WIZ: variants seen among roughly 807,000 people sequenced by gnomAD.
The protein encoded by WIZ is WIZ zinc finger, also known as protein Wiz.
WIZ carries 25 observed loss-of-function variants against 140.2 expected under a neutral mutation model. The ratio of observed to expected loss-of-function variants is 0.18; its 90% CI spans 0.13 to 0.25. The LOEUF is 0.25. Ranked by LOEUF, WIZ falls within the 10% of genes least tolerant of loss-of-function variation. WIZ has a pLI of 1.00. For missense variants in WIZ, 2,231 were observed against 2,632.6 expected (o/e 0.85, Z 3.34); for synonymous variants, 1,125 against 1,154.3 (o/e 0.97, Z 0.51).
Position 15,424,357 on chromosome 19 carries a change from C to T in WIZ, c.5336G>A (p.Arg1779His), listed in dbSNP as rs761882261. Residue 1779 changes from arginine (R) to histidine (H), a missense_variant, in exon 12 of 13, where the codon CGC (arginine) becomes CAC (histidine). Arg to His is a conservative substitution (Grantham distance 29). This residue lies in a region of WIZ where 299 missense variants were observed against 309.6 expected (regional missense o/e 0.97). Transcript: ENST00000673675. This position sits in a 1 kb window ranked among gnomAD's most constrained non-coding sequence, Gnocchi z 9.7. ...NINKFERRQA[R>H]PPDASAARGG... is the part of the protein sequence containing the mutation. ...CCGGGCTGCGGAGGCATCTGGAGGG[C>T]GGGCTTGTCGGCGTTCAAATTCTAA... 3.6e-5 allele frequency: 57 copies of T among 1,599,968 alleles called. No individual in the cohort carries two copies. The highest frequency in any genetic ancestry group is 4.3e-5 in the Non-Finnish European group (51 of 1,176,056).
In WIZ at chr19:15,442,583, C is replaced by G. The variant is rs945762950; in HGVS notation, c.278+93G>C. On this transcript the variant is annotated intron_variant, in intron 3 of 12. Transcript: ENST00000673675. The surrounding 1 kb of genome is among the most constrained non-coding windows in gnomAD (Gnocchi z 5.5). ...GCCTGGCCTCCTGATTCCCTCCTGT[C>G]CCCTTCTCATTCCCCAGGGGCTTAT... The G allele has an allele frequency of 7.2e-5, 71 of 991,272 alleles. No homozygotes were observed. The highest frequency in any genetic ancestry group is 9.1e-5 in the Non-Finnish European group (70 of 768,040). The allele number at this position is 991,272 out of a possible 1,614,324, so 61.4% of individuals were successfully genotyped here. A position where few individuals can be genotyped will look rare whatever the true frequency, so the allele number is the denominator to read the frequency against.
In WIZ at chr19:15,425,634, A is replaced by C; in HGVS notation, c.4501T>G (p.Ser1501Ala). The change falls in exon 10 of 13, where the codon TCG becomes GCG. Residue 1501 changes from serine (S) to alanine (A), a missense_variant. Ser to Ala is a moderately conservative substitution (Grantham distance 99, BLOSUM62 1). Coordinates refer to ENST00000673675, the MANE Select transcript of WIZ (RefSeq NM_001371589.1). ...MGVTEWSVNG[S>A]PIDTLREILK... ...ATCTCTCGCAGTGTGTCGATGGGCG[A>C]ACCATTGACGGACCACTCGGTCACA... is the stretch of plus-strand genomic sequence containing the variant. The C allele has an allele frequency of 6.2e-7, 1 of 1,613,268 alleles. No individual in the cohort carries two copies. Among genetic ancestry groups the C allele is most frequent in the Non-Finnish European group, 8.5e-7 (1 of 1,179,826 alleles).
chr19:15,449,677 A>C (rs1970052969), intron 1 of WIZ, 121 bp downstream of exon 1: 1 of 107,058 alleles, frequency 9.3e-6, no homozygotes, highest in African/African-American at 3.5e-5. Context: ...CCCGCCCCTG[A>C]AGGCCCCGCC....
At chr19:15,432,073 T>G (rs1969281838) in intron 5 of WIZ, among the ~76,000 whole-genome samples, 1 of 151,894 alleles carries the variant, frequency 6.6e-6, no homozygotes, top group African/African-American at 2.4e-5. Flanking sequence ...CGCTGAGGAC[T>G]GGGGCACCGA....
At position 15,424,290 on chromosome 19, in the gene WIZ, C is replaced by T; in HGVS notation, c.5403G>A (p.Glu1801=). 2 of 1,594,588 alleles carry T rather than the reference C, an allele frequency of 1.3e-6. No homozygotes were observed. Among genetic ancestry groups the T allele is most frequent in the Non-Finnish European group, 8.5e-7 (1 of 1,173,150 alleles). ...GGACTCGGGGTGGGGGTTGCCGCAC[C>T]TCCTCCAGCTTCTGCTGTAGGTCAT... The part of the protein sequence containing the change: ...DTNDLQQKLE[E]VRQPPPRVRP... Residue 1801 remains glutamate (E), a synonymous_variant, in exon 12 of 13, where the codon GAG becomes GAA. Transcript: ENST00000673675. The surrounding 1 kb of genome is among the most constrained non-coding windows in gnomAD (Gnocchi z 9.7).
chr19:15,435,898 G>A (rs932669728), intron 5 of WIZ, among the ~76,000 whole-genome samples: 25 of 151,232 alleles, frequency 1.7e-4, no homozygotes, highest in African/African-American at 5.8e-4. Flanking sequence ...TGAGGCAGGC[G>A]GATCACTGGA....
chr19:15,431,701 G>C (rs1969251034), intron 5 of WIZ, among the ~76,000 whole-genome samples: 1 of 152,252 alleles, frequency 6.6e-6, no homozygotes, highest in African/African-American at 2.4e-5. Context: ...TGGGGGACCA[G>C]GGGTGGCCTA....
At chr19:15,423,651 T>C (rs1018565567) in intron 12 of WIZ, among the ~76,000 whole-genome samples, 1 of 152,190 alleles carries the variant, frequency 6.6e-6, no homozygotes, top group African/African-American at 2.4e-5. Flanking sequence ...CCAAGCTCCA[T>C]GGCTCAAGAC....
In WIZ at chr19:15,427,135, G is replaced by A. The variant is rs1751999756; in HGVS notation, c.4213C>T (p.Leu1405=). The A allele has an allele frequency of 1.9e-6, 3 of 1,614,246 alleles. No homozygotes were observed. The highest frequency in any genetic ancestry group is 2.5e-6 in the Non-Finnish European group (3 of 1,180,046). The change falls in exon 9 of 13, where the codon CTG becomes TTG. Residue 1405 remains leucine (L), a synonymous_variant. Transcript: ENST00000673675. The surrounding 1 kb of genome is among the most constrained non-coding windows in gnomAD (Gnocchi z 6.4). ...TTCTTGGGCAAGGAGGGTGCAGCCA[G>A]GCCTGGGAACATCTTTCGGGCCGTA... ...PPTARKMFPG[L]AAPSLPKKLK...
rs776786918 is a variant in WIZ at position 15,437,068 on chromosome 19, G to C, written c.2478C>G (p.Phe826Leu). 1.2e-6 allele frequency: 2 copies of C among 1,613,098 alleles called. No homozygotes were observed. The highest frequency in any genetic ancestry group is 1.7e-6 in the Non-Finnish European group (2 of 1,179,638). The change falls in exon 5 of 13, where the codon TTC becomes TTG. Residue 826 changes from phenylalanine (F) to leucine (L), a missense_variant. This residue lies in a region of WIZ where 118 missense variants were observed against 209.1 expected (regional missense o/e 0.56). Coordinates refer to ENST00000673675, the MANE Select transcript of WIZ (RefSeq NM_001371589.1). The part of the protein sequence containing the change: ...LMRCDFCGAG[F>L]DTRAGLSSHA... ...GGCTGGAGAGGCCGGCCCGTGTGTCGAAGCCAGCCCCGCAGAAGTCACAGC... is the reference window on the plus strand; with the variant it reads ...GGCTGGAGAGGCCGGCCCGTGTGTCCAAGCCAGCCCCGCAGAAGTCACAGC...
chr19:15,424,743 C>T lies in WIZ; in HGVS notation c.5184G>A (p.Val1728=). ...SLGLAPGGLA[V]VGRSAGGEPG... ...GCTCCCCTCCGGCACTGCGGCCGAC[C>T]ACGGCCAGGCCCCCGGGTGCCAGCC... is the stretch of plus-strand genomic sequence containing the variant. The change falls in exon 11 of 13, where the codon GTG becomes GTA. Residue 1728 remains valine (V), a synonymous_variant. Transcript: ENST00000673675. This position sits in a 1 kb window ranked among gnomAD's most constrained non-coding sequence, Gnocchi z 9.7. 6.4e-7 allele frequency: 1 copy of T among 1,570,386 alleles called. No individual in the cohort carries two copies. The highest frequency in any genetic ancestry group is 1.2e-5 in the South Asian group (1 of 86,598).
At position 15,442,652 on chromosome 19, in the gene WIZ, G is replaced by A; in HGVS notation, c.278+24C>T. Reference sequence around the variant, plus strand: ...CTGCTTGCCCCCCTGCCCTCCCTGAGGTCAGGGCCAGCATGGCACTCACCA... The same window carrying A: ...CTGCTTGCCCCCCTGCCCTCCCTGAAGTCAGGGCCAGCATGGCACTCACCA... On this transcript the variant is annotated intron_variant, in intron 3 of 12. Transcript: ENST00000673675. This position sits in a 1 kb window ranked among gnomAD's most constrained non-coding sequence, Gnocchi z 5.5. 1 of 1,231,508 alleles carries A rather than the reference G, an allele frequency of 8.1e-7. No individual in the cohort carries two copies. The highest frequency in any genetic ancestry group is 1.0e-6 in the Non-Finnish European group (1 of 987,352). 76.3% of individuals were successfully genotyped at this position (1,231,508 alleles called of 1,614,324 possible). A position where few individuals can be genotyped will look rare whatever the true frequency, so the allele number is the denominator to read the frequency against.
At position 15,425,353 on chromosome 19, in the gene WIZ, C is replaced by T; in HGVS notation, c.4782G>A (p.Lys1594=). ...ATGYLGSVAA[K]RPLQEDRLLP... ...GGAGGCGGTCCTCCTGCAGGGGCCG[C>T]TTGGCTGCCACTGAGCCCAGGTAGC... The change falls in exon 10 of 13, where the codon AAG becomes AAA. Residue 1594 remains lysine (K), a synonymous_variant. Coordinates refer to ENST00000673675, the MANE Select transcript of WIZ (RefSeq NM_001371589.1). 1 of 1,558,630 alleles carries T rather than the reference C, an allele frequency of 6.4e-7. No homozygotes were observed. Among genetic ancestry groups the T allele is most frequent in the South Asian group, 1.2e-5 (1 of 85,204 alleles).
At position 15,421,347 on chromosome 19, in the gene WIZ, T is replaced by G. The variant is rs1417772033; in HGVS notation, c.*1729A>C. 1 of 152,190 alleles carries G rather than the reference T, an allele frequency of 6.6e-6. No homozygotes were observed. Among genetic ancestry groups the G allele is most frequent in the African/African-American group, 2.4e-5 (1 of 41,428 alleles). The allele number at this position is 152,190 out of a possible 1,614,324, so 9.4% of individuals were successfully genotyped here. A position where few individuals can be genotyped will look rare whatever the true frequency, so the allele number is the denominator to read the frequency against. On this transcript the variant is annotated 3_prime_UTR_variant, in exon 13 of 13. Coordinates refer to ENST00000673675, the MANE Select transcript of WIZ (RefSeq NM_001371589.1). ...CCAAGACCACCCTTGTGGGCGTTAT[T>G]GCAGCCTGTTAATCCCTCCTTCCCA...
intron 4 of WIZ, among the ~76,000 whole-genome samples, chr19:15,438,001 ACACACACACACG>A (rs1969579346): frequency 6.6e-6 from 1 of 152,002 alleles, no homozygotes; most frequent in Non-Finnish European, 1.5e-5. Context: ...GTAGACACAC[ACACACACACACG>A]CACACACACA....
At chr19:15,444,947 TTGTC>T (rs992310887) in intron 2 of WIZ, among the ~76,000 whole-genome samples, 4 of 152,190 alleles carry the variant, frequency 2.6e-5, no homozygotes, top group African/African-American at 9.7e-5. Context: ...CGTGGCCTCT[TTGTC>T]TGAGCAATTC....
chr19:15,421,992 T>C lies in WIZ; in HGVS notation c.*1084A>G, dbSNP rs1489309761. 1.3e-5 allele frequency: 2 copies of C among 152,238 alleles called. No individual in the cohort carries two copies. The highest frequency in any genetic ancestry group is 2.9e-5 in the Non-Finnish European group (2 of 68,036). 9.4% of individuals were successfully genotyped at this position (152,238 alleles called of 1,614,324 possible). The stretch of plus-strand genomic sequence containing the variant: ...CCAACTGGAAAACCCAGGGCCTCCA[T>C]GGCGCTCTGGACAGAGGAGGCCCCG... On this transcript the variant is annotated 3_prime_UTR_variant, in exon 13 of 13. Coordinates refer to ENST00000673675, the MANE Select transcript of WIZ (RefSeq NM_001371589.1).
At chr19:15,447,360 A>C (rs576368035) in intron 2 of WIZ, among the ~76,000 whole-genome samples, 1 of 152,316 alleles carries the variant, frequency 6.6e-6, no homozygotes, top group East Asian at 1.9e-4. Context: ...AGGGTCTCCC[A>C]GGTCTCCCAG....
intron 5 of WIZ, among the ~76,000 whole-genome samples, chr19:15,435,707 C>T (rs1254174863): frequency 1.3e-5 from 2 of 151,960 alleles, no homozygotes; most frequent in Non-Finnish European, 2.9e-5. Flanking sequence ...GTGGTGCACG[C>T]CTGTAATCCC....
Sources: allele counts gnomAD v4.1 joint callset (sites outside exome capture counted in the v4.1 genomes callset), GRCh38; gene constraint gnomAD v4.1.1; regional missense constraint gnomAD v4.1.1; non-coding constraint Gnocchi (gnomAD v3.1); transcripts MANE v1.5; gene names NCBI Gene and HGNC (gene_info 2026-07-23, HGNC 2026-07-21).